The following METTL13 variants were observed in gnomAD, a reference collection of about 807,000 sequenced individuals.
METTL13 encodes the protein eEF1A lysine and N-terminal methyltransferase.
METTL13 carries 52 observed loss-of-function variants against 67.4 expected under a neutral mutation model. The observed-to-expected ratio is 0.77, with a 90% CI of 0.62 to 0.97. The LOEUF is 0.97. Among genes scored for constraint, METTL13 ranks in the 50% least tolerant of loss-of-function variants. METTL13 has a pLI of 0.00. For synonymous variants in METTL13, 354 were observed against 353.6 expected (o/e 1.00, Z -0.01); for missense variants, 825 against 889.6 (o/e 0.93, Z 0.92).
At chr1:171,787,952 G>C (rs373272466) in intron 4 of METTL13, 22 bp downstream of exon 4, 3 of 1,610,212 alleles carry the variant, frequency 1.9e-6, no homozygotes, top group Non-Finnish European at 2.5e-6. Context: ...TAGGCACAGT[G>C]GTGGGACCCA....
chr1:171,784,267 T>C lies in METTL13; in HGVS notation c.681T>C (p.Ala227=). 2 of 1,613,926 alleles carry C rather than the reference T, an allele frequency of 1.2e-6. No homozygotes were observed. The highest frequency in any genetic ancestry group is 1.7e-6 in the Non-Finnish European group (2 of 1,180,002). Residue 227 remains alanine (A), a synonymous_variant, in exon 2 of 8, where the codon GCT becomes GCC. Transcript: ENST00000361735. ...GSALQIFELC[A]QEQRKPVRLE... ...CCCTTCAGATCTTTGAGCTGTGTGC[T>C]CAGGAGCAGCGCAAGCCTGTGCGGC...
At chr1:171,784,546 G>GGGGCTGGGGCTT (rs776693415) in intron 2 of METTL13, 47 bp downstream of exon 2, 3 of 1,452,598 alleles carry the variant, frequency 2.1e-6, no homozygotes, top group Non-Finnish European at 1.8e-6. Flanking sequence ...CTGGCTTACA[G>GGGGCTGGGGCTT]GGGCTGGGGC....
intron 2 of METTL13, among the ~76,000 whole-genome samples, chr1:171,785,024 C>T (rs56178029): frequency 0.29 from 44,734 of 152,004 alleles, 6,718 homozygotes; most frequent in East Asian, 0.53. Context: ...TCAGTTTTGG[C>T]TCAGTCATTT....
At position 171,796,519 on chromosome 1, in the gene METTL13, G is replaced by A. The variant is rs764990495; in HGVS notation, c.1863G>A (p.Gly621=). The part of the protein sequence containing the change: ...FILNLVCRDL[G]LKDSVLAGLK... ...TCAACCTTGTGTGCCGAGACTTGGG[G>A]CTAAAAGACTCAGTGCTGGCTGGGC... The change falls in exon 8 of 8, where the codon GGG becomes GGA. Residue 621 remains glycine (G), a synonymous_variant. Transcript: ENST00000361735. 1 of 1,614,170 alleles carries A rather than the reference G, an allele frequency of 6.2e-7. No homozygotes were observed. Among genetic ancestry groups the A allele is most frequent in the Non-Finnish European group, 8.5e-7 (1 of 1,180,036 alleles).
At chr1:171,790,253 G>A (rs571007945) in intron 4 of METTL13, among the ~76,000 whole-genome samples, 199 bp from the exon 5 acceptor site, 33 of 152,270 alleles carry the variant, frequency 2.2e-4, no homozygotes, top group African/African-American at 7.7e-4. Flanking sequence ...ACATTTCAAC[G>A]TGAGATTTGT....
rs2029863975 is a variant in METTL13, at chr1:171,797,040, A to G, written c.*284A>G. 2.5e-6 allele frequency: 1 copy of G among 402,658 alleles called. No homozygotes were observed. The highest frequency in any genetic ancestry group is 4.6e-6 in the Non-Finnish European group (1 of 216,936). The allele number at this position is 402,658 out of a possible 1,614,324, so 24.9% of individuals were successfully genotyped here. ...TGCTGAAGCCCCTAGCACACACTGCATGCCTTAACAAGTGTGTGCAAGCCC... is the reference window on the plus strand; with the variant it reads ...TGCTGAAGCCCCTAGCACACACTGCGTGCCTTAACAAGTGTGTGCAAGCCC... On this transcript the variant is annotated 3_prime_UTR_variant, in exon 8 of 8. Coordinates refer to ENST00000361735, the MANE Select transcript of METTL13 (RefSeq NM_015935.5).
intron 4 of METTL13, among the ~76,000 whole-genome samples, chr1:171,789,470 A>G (rs1035371396): frequency 6.6e-6 from 1 of 152,180 alleles, no homozygotes; most frequent in Non-Finnish European, 1.5e-5. Context: ...ATGATAGGTG[A>G]TGGAGACAGG....
At chr1:171,794,922 G>A (rs1657319702) in intron 7 of METTL13, among the ~76,000 whole-genome samples, 1 of 152,026 alleles carries the variant, frequency 6.6e-6, no homozygotes, top group Admixed American at 6.6e-5. Flanking sequence ...TGGTCTCAAG[G>A]AATCCTCCCA....
intron 7 of METTL13, among the ~76,000 whole-genome samples, 193 bp downstream of exon 7, chr1:171,794,720 G>A (rs1657310641): frequency 1.3e-5 from 2 of 152,104 alleles, no homozygotes; most frequent in Non-Finnish European, 2.9e-5. Flanking sequence ...TCAGTAACTT[G>A]TCCTCGCAAG....
intron 5 of METTL13, among the ~76,000 whole-genome samples, chr1:171,791,301 T>G (rs1657196543): frequency 6.6e-6 from 1 of 152,192 alleles, no homozygotes. Context: ...TTTGTTTTCC[T>G]GTGATTTGTG....
chr1:171,793,979 C>G (rs942463536), intron 6 of METTL13, among the ~76,000 whole-genome samples: 2 of 152,362 alleles, frequency 1.3e-5, no homozygotes, highest in South Asian at 4.1e-4. Flanking sequence ...CATCTCTCCT[C>G]CCATCTGCCC....
intron 1 of METTL13, among the ~76,000 whole-genome samples, chr1:171,782,528 A>G (rs1656861316): frequency 6.6e-6 from 1 of 151,764 alleles, no homozygotes; most frequent in South Asian, 2.1e-4. Flanking sequence ...TGATCACGCC[A>G]CTGCACTCCA....
intron 4 of METTL13, 90 bp from the exon 5 acceptor site, chr1:171,790,362 G>A (rs1002237510): frequency 3.0e-5 from 41 of 1,344,428 alleles, no homozygotes; most frequent in Non-Finnish European, 3.9e-5. Context: ...TCTTTTGAGT[G>A]TTCAAGCCAT....
Position 171,783,971 on chromosome 1 carries a change from A to T in METTL13, c.385A>T (p.Thr129Ser). 3 of 1,614,198 alleles carry T rather than the reference A, an allele frequency of 1.9e-6. No homozygotes were observed. Among genetic ancestry groups the T allele is most frequent in the Non-Finnish European group, 2.5e-6 (3 of 1,180,044 alleles). ...LDKGTLDAVL[T>S]DEEEKTLQQV... The stretch of plus-strand genomic sequence containing the variant: ...CAAGGGCACCCTGGATGCTGTCCTG[A>T]CAGATGAGGAAGAGAAGACCTTACA... The change falls in exon 2 of 8, where the codon ACA (threonine) becomes TCA (serine). Residue 129 changes from threonine (T) to serine (S), a missense_variant. Coordinates refer to ENST00000361735, the MANE Select transcript of METTL13 (RefSeq NM_015935.5).
chr1:171,783,927 C>G lies in METTL13; in HGVS notation c.341C>G (p.Ser114Trp). 1 of 1,614,212 alleles carries G rather than the reference C, an allele frequency of 6.2e-7. No homozygotes were observed. Among genetic ancestry groups the G allele is most frequent in the East Asian group, 2.2e-5 (1 of 44,876 alleles). The change falls in exon 2 of 8, where the codon TCG (serine) becomes TGG (tryptophan). Residue 114 changes from serine (S) to tryptophan (W), a missense_variant. Ser to Trp is a radical substitution (Grantham distance 177, BLOSUM62 -3). Coordinates refer to ENST00000361735, the MANE Select transcript of METTL13 (RefSeq NM_015935.5). Reference sequence around the variant, plus strand: ...ACGCAGATGGAGTTTCCTGATGCCTCGTTCCAGGTGGTGTTGGACAAGGGC... The same window carrying G: ...ACGCAGATGGAGTTTCCTGATGCCTGGTTCCAGGTGGTGTTGGACAAGGGC... Reference protein sequence around the residue: ...DMTQMEFPDASFQVVLDKGTL... With the variant: ...DMTQMEFPDAWFQVVLDKGTL...
At chr1:171,789,721 A>T (rs1657139524) in intron 4 of METTL13, among the ~76,000 whole-genome samples, 1 of 152,062 alleles carries the variant, frequency 6.6e-6, no homozygotes, top group Non-Finnish European at 1.5e-5. Context: ...CTTAGACGGG[A>T]GGTACCAGGG....
chr1:171,783,061 CTTT>C (rs56363000), intron 1 of METTL13, among the ~76,000 whole-genome samples: 6 of 138,696 alleles, frequency 4.3e-5, no homozygotes, highest in Admixed American at 7.2e-5. Context: ...CCGAGAGCCA[CTTT>C]TTTTTTTTTT....
chr1:171,785,153 C>G lies in METTL13; in HGVS notation c.913+654C>G, dbSNP rs539390186. ...GAAATGGTACCTGGCCTTGGAAGTG[C>G]TGTGTAAATGTTAGCCATTATTACT... is the stretch of plus-strand genomic sequence containing the variant. On this transcript the variant is annotated intron_variant, in intron 2 of 7. Coordinates refer to ENST00000361735, the MANE Select transcript of METTL13 (RefSeq NM_015935.5). Among the ~76,000 whole-genome samples the G allele has an allele frequency of 2.6e-5, 4 of 152,276 alleles. No individual in the cohort carries two copies. In the East Asian group the frequency reaches 7.7e-4, roughly 29 times the overall value.
At position 171,784,093 on chromosome 1, in the gene METTL13, A is replaced by C. The variant is rs1191419167; in HGVS notation, c.507A>C (p.Lys169Asn). 1 of 1,614,096 alleles carries C rather than the reference A, an allele frequency of 6.2e-7. No individual in the cohort carries two copies. Among genetic ancestry groups the C allele is most frequent in the East Asian group, 2.2e-5 (1 of 44,890 alleles). ...TGGCTCAGGCTCACATCCTGAAGAA[A>C]GCAGTGGGCCACTTCTCCCGGGAGG... ...ISLAQAHILK[K>N]AVGHFSREGW... The change falls in exon 2 of 8, where the codon AAA becomes AAC. Residue 169 changes from lysine (K) to asparagine (N), a missense_variant. By Grantham distance (94) the Lys-to-Asn change is moderately conservative. Transcript: ENST00000361735.
Sources: gnomAD v4.1 joint callset for allele counts (sites outside exome capture counted in the v4.1 genomes callset) on GRCh38, gnomAD v4.1.1 for gene constraint, MANE v1.5 for transcripts, NCBI Gene and HGNC (gene_info 2026-07-23, HGNC 2026-07-21) for gene names.